GTF2F2: variants seen among roughly 807,000 people sequenced by gnomAD.
The protein encoded by GTF2F2 is ATP-dependent helicase GTF2F2.
In GTF2F2, 23 loss-of-function variants were observed where a neutral mutation model predicts 42.2. The observed-to-expected ratio is 0.55, with a 90% CI of 0.39 to 0.77. GTF2F2 has a LOEUF of 0.77. Among genes scored for constraint, GTF2F2 ranks in the 30% least tolerant of loss-of-function variants. GTF2F2 has a pLI of 0.00. For missense variants in GTF2F2, 261 were observed against 287.2 expected, an observed-to-expected ratio of 0.91 and a Z score of 0.66; for synonymous variants, 105 against 100.8, an observed-to-expected ratio of 1.04 and a Z score of -0.25.
chr13:45,149,428 G>A (rs2060683639), intron 2 of GTF2F2, among the ~76,000 whole-genome samples: 1 of 113,392 alleles, frequency 8.8e-6, no homozygotes, highest in African/African-American at 4.3e-5. Flanking sequence ...GGGAGACCCT[G>A]TCTCCAAAAA....
At chr13:45,274,487 T>C (rs925151896) in intron 7 of GTF2F2, among the ~76,000 whole-genome samples, 13 of 151,892 alleles carry the variant, frequency 8.6e-5, no homozygotes, top group African/African-American at 1.7e-4. Context: ...CCACCACACC[T>C]AGCTAATTTT....
chr13:45,241,401 T>G (rs1381967916), intron 5 of GTF2F2, among the ~76,000 whole-genome samples: 1 of 152,006 alleles, frequency 6.6e-6, no homozygotes, highest in Non-Finnish European at 1.5e-5. Flanking sequence ...ACATTTGAGT[T>G]TGTGATTCTC....
chr13:45,120,603 G>T lies in GTF2F2; in HGVS notation c.-53G>T. The T allele has an allele frequency of 7.2e-7, 1 of 1,385,240 alleles. No homozygotes were observed. Among genetic ancestry groups the T allele is most frequent in the Non-Finnish European group, 1.0e-6 (1 of 996,696 alleles). 85.8% of individuals were successfully genotyped at this position (1,385,240 alleles called of 1,614,324 possible). A position where few individuals can be genotyped will look rare whatever the true frequency, so the allele number is the denominator to read the frequency against. On this transcript the variant is annotated 5_prime_UTR_variant, in exon 1 of 8. Coordinates refer to ENST00000340473, the MANE Select transcript of GTF2F2 (RefSeq NM_004128.3). The stretch of plus-strand genomic sequence containing the variant: ...TTCCGGACGCCCGCTCCTCAGCCCT[G>T]CGGCTCCTGGGGTCGCTGCTGCATC...
chr13:45,217,193 G>T (rs769055787), intron 5 of GTF2F2, among the ~76,000 whole-genome samples: 1 of 151,762 alleles, frequency 6.6e-6, no homozygotes, highest in East Asian at 2.0e-4. Flanking sequence ...CAGCTACTCG[G>T]GAGGTTGAGG....
At chr13:45,191,349 G>A (rs1566129426) in intron 4 of GTF2F2, among the ~76,000 whole-genome samples, 2 of 148,604 alleles carry the variant, frequency 1.3e-5, no homozygotes, top group South Asian at 4.2e-4. Context: ...GGCAACTATA[G>A]TAACCTACTT....
At chr13:45,264,368 GTC>G (rs1412348404) in intron 6 of GTF2F2, among the ~76,000 whole-genome samples, 2 of 151,776 alleles carry the variant, frequency 1.3e-5, no homozygotes, top group Non-Finnish European at 2.9e-5. Context: ...TGCAACCTCT[GTC>G]TCCTGGCTTC....
At chr13:45,241,875 T>C (rs1453403334) in intron 5 of GTF2F2, among the ~76,000 whole-genome samples, 1 of 152,298 alleles carries the variant, frequency 6.6e-6, no homozygotes, top group East Asian at 1.9e-4. Context: ...GGTCCCTGTT[T>C]TCATGAAGCT....
In GTF2F2 at chr13:45,256,644, TATTC is replaced by T; in HGVS notation, c.486+3676_486+3679del. 3.3e-5 allele frequency among the ~76,000 whole-genome samples: 5 copies of T among 152,286 alleles called. 1 individual carries two copies. The highest frequency in any genetic ancestry group is 3.3e-4 in the Admixed American group (5 of 15,308). ...GGCACCTGCATAGCTTTAAAAAACA[TATTC>T]AGTATTGTAGTGTAATACCAACTAT... On this transcript the variant is annotated intron_variant, in intron 6 of 7. Transcript: ENST00000340473.
intron 4 of GTF2F2, among the ~76,000 whole-genome samples, chr13:45,181,200 A>AAAAAAACAAAAAAAC (rs766375703): frequency 6.8e-5 from 9 of 132,902 alleles, no homozygotes; most frequent in African/African-American, 2.6e-4. Context: ...AAAAAAAAAA[A>AAAAAAACAAAAAAAC]AAACCAGAAA....
chr13:45,264,332 AGT>A (rs1876477159), intron 6 of GTF2F2, among the ~76,000 whole-genome samples: 1 of 150,060 alleles, frequency 6.7e-6, no homozygotes, highest in African/African-American at 2.5e-5. Flanking sequence ...CTGAGAGTGG[AGT>A]GTAGTGGCAC....
chr13:45,275,417 A>T (rs888293199), intron 7 of GTF2F2, among the ~76,000 whole-genome samples: 3 of 151,586 alleles, frequency 2.0e-5, no homozygotes, highest in African/African-American at 7.3e-5. Context: ...CTCATCATTT[A>T]CATTAGGTGT....
intron 4 of GTF2F2, among the ~76,000 whole-genome samples, chr13:45,158,762 T>TA (rs1193809934): frequency 3.9e-5 from 6 of 152,222 alleles, no homozygotes; most frequent in Non-Finnish European, 8.8e-5. Flanking sequence ...CGGTGCCTAG[T>TA]ATAGCATTGA....
At chr13:45,140,266 T>C (rs1331093744) in intron 2 of GTF2F2, among the ~76,000 whole-genome samples, 1 of 152,146 alleles carries the variant, frequency 6.6e-6, no homozygotes, top group Non-Finnish European at 1.5e-5. Context: ...TTTAAAATAT[T>C]TTCAGTCTGC....
intron 5 of GTF2F2, among the ~76,000 whole-genome samples, chr13:45,245,666 A>AATATATATATATATATATATATATATAT (rs372488927): frequency 1.8e-5 from 2 of 110,844 alleles, no homozygotes; most frequent in African/African-American, 3.9e-5. Flanking sequence ...CCATGGTGTG[A>AATATATATATATATATATATATATATAT]ATATATATAT....
At chr13:45,274,414 C>T (rs1192977285) in intron 7 of GTF2F2, among the ~76,000 whole-genome samples, 1 of 150,200 alleles carries the variant, frequency 6.7e-6, no homozygotes, top group Admixed American at 6.7e-5. Context: ...GCAACGTCCG[C>T]CTCCCAGGTT....
intron 2 of GTF2F2, among the ~76,000 whole-genome samples, chr13:45,143,595 C>G (rs2138109518): frequency 6.6e-6 from 1 of 152,262 alleles, no homozygotes; most frequent in South Asian, 2.1e-4. Flanking sequence ...ACCTTCCCTC[C>G]CTACCACATC....
chr13:45,131,737 C>T (rs565741618), intron 1 of GTF2F2, among the ~76,000 whole-genome samples: 2 of 152,034 alleles, frequency 1.3e-5, no homozygotes, highest in South Asian at 4.2e-4. Flanking sequence ...GAGACTTCAT[C>T]TCCACAAAAA....
At position 45,278,688 on chromosome 13, in the gene GTF2F2, A is replaced by G. The variant is rs75509783; in HGVS notation, c.631-4754A>G. 2.7e-3 allele frequency among the ~76,000 whole-genome samples: 408 copies of G among 151,818 alleles called. 1 individual carries two copies. The highest frequency in any genetic ancestry group is 9.3e-3 in the African/African-American group (386 of 41,374). On this transcript the variant is annotated intron_variant, in intron 7 of 7. Coordinates refer to ENST00000340473, the MANE Select transcript of GTF2F2 (RefSeq NM_004128.3). ...GTTCAAATCGAATGATCAAATATCT[A>G]TCCTCAAAGAACCTAACATCTCTAT...
At chr13:45,256,183 C>T (rs1438455418) in intron 6 of GTF2F2, among the ~76,000 whole-genome samples, 1 of 151,972 alleles carries the variant, frequency 6.6e-6, no homozygotes, top group Non-Finnish European at 1.5e-5. Context: ...TCACAGTGAG[C>T]ACGTATTGCC....
Sources: gnomAD v4.1 joint callset for allele counts (sites outside exome capture counted in the v4.1 genomes callset) on GRCh38, gnomAD v4.1.1 for gene constraint, MANE v1.5 for transcripts, NCBI Gene and HGNC (gene_info 2026-07-23, HGNC 2026-07-21) for gene names.